SYNE1: variants seen among roughly 807,000 people sequenced by gnomAD.
SYNE1 encodes spectrin repeat containing nuclear envelope protein 1, also known as nesprin-1.
In SYNE1, 616 loss-of-function variants were observed where a neutral mutation model predicts 1,111.0. That is an observed-to-expected ratio of 0.55 (90% CI 0.52 to 0.59). The LOEUF (loss-of-function observed/expected upper bound fraction) is 0.59, where lower values mean the gene tolerates loss of function less well. SYNE1 is among the 20% of genes least tolerant of loss of function. SYNE1 has a pLI of 0.00. For synonymous variants in SYNE1, 3,855 were observed against 3,825.8 expected (o/e 1.01, Z -0.28); for missense variants, 10,006 against 10,417.0 (o/e 0.96, Z 1.72).
chr6:152,168,446 A>G lies in SYNE1; in HGVS notation c.23628-4121T>C, dbSNP rs145138698. On this transcript the variant is annotated intron_variant, in intron 130 of 145. Transcript: ENST00000367255. ...TGGAATGTAGGCCACGAGTGTAAGA[A>G]GGGGAAAAAGCTCAGTGTAATCTGT... The G allele has an allele frequency of 1.9e-3, 935 of 489,098 alleles. 4 individuals are homozygous for G. Among genetic ancestry groups the G allele is most frequent in the Admixed American group, 3.5e-3 (99 of 27,984 alleles). The allele number at this position is 489,098 out of a possible 1,614,324, so 30.3% of individuals were successfully genotyped here.
chr6:152,364,734 A>AAGGG (rs2154076590), intron 63 of SYNE1, 113 bp downstream of exon 63: 2 of 1,126,632 alleles, frequency 1.8e-6, no homozygotes, highest in Non-Finnish European at 2.6e-6. Context: ...GGAAGGGAGG[A>AAGGG]AGGAAAGGAA....
At chr6:152,307,836 G>T (rs543769934) in intron 91 of SYNE1, among the ~76,000 whole-genome samples, 1 of 152,110 alleles carries the variant, frequency 6.6e-6, no homozygotes, top group East Asian at 1.9e-4. Context: ...ATTAAGTCTT[G>T]TTTGTTTGTT....
At chr6:152,338,014 GGT>G (rs911759749) in intron 75 of SYNE1, among the ~76,000 whole-genome samples, 2 of 152,066 alleles carry the variant, frequency 1.3e-5, no homozygotes, top group African/African-American at 4.8e-5. Flanking sequence ...CAGGCATGGT[GGT>G]GTGTGCCTGT....
chr6:152,252,034 T>G (rs1341120194), intron 104 of SYNE1, among the ~76,000 whole-genome samples: 2 of 151,920 alleles, frequency 1.3e-5, no homozygotes, highest in African/African-American at 4.8e-5. Flanking sequence ...CTTTGGGAGG[T>G]GGAGGCAGGC....
At chr6:152,455,395 A>G (rs1320084925) in intron 24 of SYNE1, 31 bp downstream of exon 24, 1 of 1,600,912 alleles carries the variant, frequency 6.2e-7, no homozygotes, top group Non-Finnish European at 8.5e-7. Flanking sequence ...CCATGTATTC[A>G]GGTCAAGTGT....
chr6:152,215,113 CTTT>C, intron 121 of SYNE1, 53 bp from the exon 122 acceptor site: 2 of 1,606,108 alleles, frequency 1.2e-6, no homozygotes, highest in Non-Finnish European at 1.7e-6. Context: ...AAAGTCAAAA[CTTT>C]TTCAAAGTGC....
intron 3 of SYNE1, among the ~76,000 whole-genome samples, chr6:152,618,380 A>G (rs934744222): frequency 6.6e-6 from 1 of 152,188 alleles, no homozygotes; most frequent in African/African-American, 2.4e-5. Context: ...TCAACAAATA[A>G]CAACGACAAC....
At chr6:152,133,211 T>A in intron 143 of SYNE1, 65 bp downstream of exon 143, 2 of 1,448,122 alleles carry the variant, frequency 1.4e-6, no homozygotes, top group Non-Finnish European at 1.9e-6. Context: ...CTAAAATGCA[T>A]GAAGATGATG....
At chr6:152,476,710 A>G (rs1295908020) in intron 14 of SYNE1, among the ~76,000 whole-genome samples, 1 of 151,998 alleles carries the variant, frequency 6.6e-6, no homozygotes, top group Non-Finnish European at 1.5e-5. Context: ...CTCTCCAAAA[A>G]ATACAAAAAT....
At chr6:152,315,843 CTG>C (rs932927438) in intron 87 of SYNE1, 3 of 152,012 alleles carry the variant, frequency 2.0e-5, no homozygotes, top group South Asian at 2.1e-4. Flanking sequence ...AGAAGAAAGA[CTG>C]TGAATATAGG....
intron 99 of SYNE1, 135 bp from the exon 100 acceptor site, chr6:152,268,300 G>A (rs2092898313): frequency 1.4e-6 from 1 of 703,640 alleles, no homozygotes; most frequent in Admixed American, 2.1e-5. Flanking sequence ...TAAAGCATGA[G>A]GTTTATGTAA....
intron 140 of SYNE1, among the ~76,000 whole-genome samples, chr6:152,139,406 A>G (rs568580782): frequency 1.3e-4 from 20 of 151,734 alleles, no homozygotes; most frequent in African/African-American, 4.8e-4. Flanking sequence ...CCCCATCTCT[A>G]CTAAAAATAC....
At position 152,310,506 on chromosome 6, in the gene SYNE1, A is replaced by T. The variant is rs1267969296; in HGVS notation, c.16909T>A (p.Phe5637Ile). 1.8e-5 allele frequency: 29 copies of T among 1,613,854 alleles called. No individual in the cohort carries two copies. Among genetic ancestry groups the T allele is most frequent in the Non-Finnish European group, 2.3e-5 (27 of 1,180,006 alleles). ...TGTAACTTTTTCAACTCTGCTTCAAATTTTTTCATATCCTAGAGAGTCAAT... is the reference window on the plus strand; with the variant it reads ...TGTAACTTTTTCAACTCTGCTTCAATTTTTTTCATATCCTAGAGAGTCAAT... ...LQDAAKDMKK[F>I]EAELKKLQAA... Residue 5637 changes from phenylalanine to isoleucine, a missense_variant, in exon 89 of 146, where the codon TTT becomes ATT. Phe to Ile is a conservative substitution (Grantham distance 21, BLOSUM62 0). Transcript: ENST00000367255.
rs1318028104 is a variant in SYNE1, at chr6:152,376,845, A to C, written c.9077T>G (p.Leu3026Arg). 3 of 1,614,008 alleles carry C rather than the reference A, an allele frequency of 1.9e-6. No homozygotes were observed. The African/African-American group carries it at 4.0e-5, about 22-fold the overall frequency. Residue 3026 changes from leucine to arginine, a missense_variant, in exon 57 of 146, where the codon CTT (leucine) becomes CGT (arginine). Leu to Arg is a moderately radical substitution (Grantham distance 102). Transcript: ENST00000367255. Reference sequence around the variant, plus strand: ...ACTCAGGTCTCTGGAAAATCGACAAAGTTCATTCAGCTGAGACTTGAGATC... The same window carrying C: ...ACTCAGGTCTCTGGAAAATCGACAACGTTCATTCAGCTGAGACTTGAGATC... ...TEDLKSQLNE[L>R]CRFSRDLSTY... is the part of the protein sequence containing the mutation.
chr6:152,128,151 C>T (rs185651131), intron 145 of SYNE1: 6 of 152,144 alleles, frequency 3.9e-5, no homozygotes, highest in Admixed American at 2.0e-4. Flanking sequence ...GAATTAATGG[C>T]GATAAGGTTA....
chr6:152,299,753 G>A lies in SYNE1; in HGVS notation c.17682+888C>T, dbSNP rs548669890. 1.8e-4 allele frequency among the ~76,000 whole-genome samples: 28 copies of A among 151,776 alleles called. 1 individual carries two copies. Among genetic ancestry groups the A allele is most frequent in the African/African-American group, 5.1e-4 (21 of 41,360 alleles). ...ATCCTATGACAGTCTGAATGCTTCT[G>A]CTTTAAAATAAAAGTAATATAATTG... On this transcript the variant is annotated intron_variant, in intron 93 of 145. Transcript: ENST00000367255.
At chr6:152,519,373 A>G (rs2099127858) in intron 6 of SYNE1, among the ~76,000 whole-genome samples, 1 of 152,184 alleles carries the variant, frequency 6.6e-6, no homozygotes, top group Non-Finnish European at 1.5e-5. Flanking sequence ...TCTAGCAAAT[A>G]AAAATCTGCT....
intron 11 of SYNE1, among the ~76,000 whole-genome samples, chr6:152,490,181 C>G (rs1372052616): frequency 1.3e-5 from 2 of 152,128 alleles, no homozygotes; most frequent in African/African-American, 4.8e-5. Flanking sequence ...AGGTATTATA[C>G]ATAATCTACA....
chr6:152,634,256 G>A (rs2099702490), intron 2 of SYNE1, among the ~76,000 whole-genome samples: 1 of 152,118 alleles, frequency 6.6e-6, no homozygotes, highest in Non-Finnish European at 1.5e-5. Context: ...TAACCAAAAA[G>A]AAAATGAACT....
Sources: gnomAD v4.1 joint callset for allele counts (sites outside exome capture counted in the v4.1 genomes callset) on GRCh38, gnomAD v4.1.1 for gene constraint, MANE v1.5 for transcripts, NCBI Gene and HGNC (gene_info 2026-07-23, HGNC 2026-07-21) for gene names.